Variants in WWP1 observed in about 807,000 individuals in gnomAD.
WWP1 encodes the protein WW domain containing E3 ubiquitin protein ligase 1.
Under a neutral mutation model 130.6 loss-of-function variants are expected in WWP1, and 49 were observed. That is an observed-to-expected ratio of 0.38 (90% confidence interval 0.30 to 0.48). The LOEUF is 0.48. Ranked by LOEUF, WWP1 falls within the 20% of genes least tolerant of loss-of-function variation. The pLI is 0.99. For synonymous variants in WWP1, 332 were observed against 367.8 expected (o/e 0.90, Z 1.11); for missense variants, 809 against 1,100.6 (o/e 0.74, Z 3.75).
At chr8:86,396,176 G>T (rs1807652387) in intron 5 of WWP1, among the ~76,000 whole-genome samples, 1 of 151,466 alleles carries the variant, frequency 6.6e-6, no homozygotes, top group Non-Finnish European at 1.5e-5. Context: ...TCAGCTCATT[G>T]CAACTTCCAC....
intron 18 of WWP1, among the ~76,000 whole-genome samples, chr8:86,447,501 C>T (rs1240645340): frequency 6.6e-6 from 1 of 152,098 alleles, no homozygotes; most frequent in East Asian, 1.9e-4. Flanking sequence ...CTTCTAACCT[C>T]ATGATCCACC....
intron 21 of WWP1, among the ~76,000 whole-genome samples, chr8:86,457,385 G>T (rs1586507432): frequency 6.6e-6 from 1 of 151,596 alleles, no homozygotes; most frequent in Non-Finnish European, 1.5e-5. Context: ...TAATGAATTT[G>T]GATAGCCAGT....
chr8:86,343,593 T>C (rs1216685558), intron 1 of WWP1, among the ~76,000 whole-genome samples: 1 of 152,176 alleles, frequency 6.6e-6, no homozygotes, highest in African/African-American at 2.4e-5. Flanking sequence ...TCCTTACCTT[T>C]ACGACCTTTA....
intron 1 of WWP1, among the ~76,000 whole-genome samples, chr8:86,360,479 G>C (rs547044644): frequency 6.6e-6 from 1 of 152,278 alleles, no homozygotes; most frequent in South Asian, 2.1e-4. Context: ...TGTTAGTCCT[G>C]GGGTTACCTA....
At chr8:86,426,218 G>A (rs1426084868) in intron 10 of WWP1, among the ~76,000 whole-genome samples, 1 of 152,188 alleles carries the variant, frequency 6.6e-6, no homozygotes, top group Non-Finnish European at 1.5e-5. Context: ...TCAAGTTATA[G>A]TCATTCATTT....
At chr8:86,423,722 T>A (rs909790976) in intron 9 of WWP1, among the ~76,000 whole-genome samples, 1 of 152,160 alleles carries the variant, frequency 6.6e-6, no homozygotes, top group African/African-American at 2.4e-5. Context: ...TGGCCCGTTC[T>A]CAATGAGCTG....
chr8:86,440,933 T>C (rs771479787), intron 17 of WWP1, among the ~76,000 whole-genome samples: 2 of 152,230 alleles, frequency 1.3e-5, no homozygotes, highest in Non-Finnish European at 2.9e-5. Flanking sequence ...TTTTCTTCTT[T>C]AGGCTCTGCT....
chr8:86,458,326 C>T (rs1563551801), intron 22 of WWP1, among the ~76,000 whole-genome samples: 2 of 152,128 alleles, frequency 1.3e-5, no homozygotes. Context: ...CTAAATTCCA[C>T]TTAATTCTAG....
At chr8:86,435,890 G>A (rs1198617206) in intron 16 of WWP1, among the ~76,000 whole-genome samples, 186 bp downstream of exon 16, 1 of 152,046 alleles carries the variant, frequency 6.6e-6, no homozygotes, top group East Asian at 1.9e-4. Context: ...AATAGAGATG[G>A]AATTTCGCCA....
intron 1 of WWP1, among the ~76,000 whole-genome samples, chr8:86,343,471 G>A (rs1822360858): frequency 7.1e-6 from 1 of 140,150 alleles, no homozygotes; most frequent in South Asian, 2.2e-4. Context: ...TTGTGACCTG[G>A]TAGGTTCCAG....
chr8:86,427,277 C>A (rs114942639), intron 10 of WWP1, among the ~76,000 whole-genome samples: 1,920 of 152,156 alleles, frequency 0.013, 47 homozygotes, highest in African/African-American at 0.043. Context: ...CTTTCCCTCC[C>A]CGTAAGGGGC....
chr8:86,428,359 A>G (rs1809747322), intron 11 of WWP1, among the ~76,000 whole-genome samples: 1 of 152,038 alleles, frequency 6.6e-6, no homozygotes, highest in South Asian at 2.1e-4. Flanking sequence ...CCATAAGCAA[A>G]CATCCGTGAG....
rs924929178 is a variant in WWP1, at chr8:86,443,238, ATTT to A, written c.1998+465_1998+467del. On this transcript the variant is annotated intron_variant, in intron 18 of 24. Coordinates refer to ENST00000517970, the MANE Select transcript of WWP1 (RefSeq NM_007013.4). ...CAGGCTCACACCACCATGCCAGCTA[ATTT>A]TTTTGTATTTTTAGTTGAGATGGGG... is the stretch of plus-strand genomic sequence containing the variant. 1.6e-3 allele frequency among the ~76,000 whole-genome samples: 236 copies of A among 151,686 alleles called. 1 individual carries two copies. The highest frequency in any genetic ancestry group is 5.6e-3 in the African/African-American group (232 of 41,336).
intron 5 of WWP1, among the ~76,000 whole-genome samples, chr8:86,388,267 T>G (rs1013656697): frequency 6.6e-6 from 1 of 151,696 alleles, no homozygotes; most frequent in Non-Finnish European, 1.5e-5. Flanking sequence ...GTTTTTTTTT[T>G]CCTTTTTTCT....
At chr8:86,372,983 A>G (rs1191328780) in intron 2 of WWP1, among the ~76,000 whole-genome samples, 1 of 151,394 alleles carries the variant, frequency 6.6e-6, no homozygotes, top group Non-Finnish European at 1.5e-5. Flanking sequence ...CTTTCCTAGT[A>G]TGTCTTTAAG....
At chr8:86,381,676 A>G (rs1220646374) in intron 5 of WWP1, 47 bp downstream of exon 5, 6 of 1,488,224 alleles carry the variant, frequency 4.0e-6, no homozygotes, top group Non-Finnish European at 5.4e-6. Context: ...TTTATTTTAG[A>G]CACTTTGAAC....
chr8:86,442,471 A>C (rs893416698), intron 17 of WWP1, 148 bp from the exon 18 acceptor site: 1 of 665,246 alleles, frequency 1.5e-6, no homozygotes, highest in Non-Finnish European at 2.2e-6. Flanking sequence ...AGATCATAGA[A>C]GAACTTGGAT....
chr8:86,346,674 T>C (rs1822603025), intron 1 of WWP1, among the ~76,000 whole-genome samples: 1 of 152,210 alleles, frequency 6.6e-6, no homozygotes, highest in Admixed American at 6.5e-5. Context: ...TACATGTTAA[T>C]AAACTTTGAT....
intron 18 of WWP1, among the ~76,000 whole-genome samples, chr8:86,445,908 A>T (rs1810832133): frequency 6.8e-6 from 1 of 147,672 alleles, no homozygotes; most frequent in Non-Finnish European, 1.5e-5. Flanking sequence ...ATGATTAGTG[A>T]TGTTGAGCAT....
Sources: allele counts gnomAD v4.1 joint callset (sites outside exome capture counted in the v4.1 genomes callset), GRCh38; gene constraint gnomAD v4.1.1; transcripts MANE v1.5; gene names NCBI Gene and HGNC (gene_info 2026-07-23, HGNC 2026-07-21).